Variants in DLG2 observed in about 807,000 individuals in gnomAD.
The protein encoded by DLG2 is discs large MAGUK scaffold protein 2.
In DLG2, 45 loss-of-function variants were observed where a neutral mutation model predicts 132.5. That is an observed-to-expected ratio of 0.34 (90% CI 0.27 to 0.44). The LOEUF is 0.44. Ranked by LOEUF, DLG2 falls within the 20% of genes least tolerant of loss-of-function variation. DLG2 has a pLI of 1.00. For missense variants in DLG2, 1,045 were observed against 1,196.9 expected, an observed-to-expected ratio of 0.87 and a Z score of 1.87; for synonymous variants, 424 against 419.6, an observed-to-expected ratio of 1.01 and a Z score of -0.13.
intron 6 of DLG2, among the ~76,000 whole-genome samples, chr11:85,085,276 C>G (rs914167501): frequency 5.3e-5 from 8 of 152,122 alleles, no homozygotes; most frequent in African/African-American, 1.9e-4. Flanking sequence ...TCATCCTATA[C>G]AAGCCTTTTT....
intron 6 of DLG2, among the ~76,000 whole-genome samples, chr11:84,548,604 C>T (rs1425331600): frequency 6.6e-6 from 1 of 152,184 alleles, no homozygotes; most frequent in Non-Finnish European, 1.5e-5. Context: ...CTACAAAGGA[C>T]ATGAACTCAA....
At chr11:85,423,742 C>T (rs1046720376) in intron 3 of DLG2, among the ~76,000 whole-genome samples, 1 of 152,142 alleles carries the variant, frequency 6.6e-6, no homozygotes, top group Non-Finnish European at 1.5e-5. Flanking sequence ...TCATCCAGCT[C>T]CCATGTAATC....
chr11:83,900,719 T>A (rs1857990712), intron 15 of DLG2, among the ~76,000 whole-genome samples: 1 of 152,170 alleles, frequency 6.6e-6, no homozygotes, highest in Non-Finnish European at 1.5e-5. Context: ...GGTGGGGGCC[T>A]CATGGAGAAC....
intron 3 of DLG2, among the ~76,000 whole-genome samples, chr11:85,297,036 T>A (rs2079275242): frequency 6.6e-6 from 1 of 151,634 alleles, no homozygotes; most frequent in South Asian, 2.1e-4. Context: ...TTAAATTTTA[T>A]GATCTACTGT....
intron 6 of DLG2, among the ~76,000 whole-genome samples, chr11:84,836,490 G>T (rs1226503306): frequency 6.6e-6 from 1 of 151,716 alleles, no homozygotes; most frequent in Non-Finnish European, 1.5e-5. Context: ...GATTTAAAAT[G>T]TCCCATGGAC....
chr11:85,021,132 T>C lies in DLG2; in HGVS notation c.357+90529A>G, dbSNP rs145127529. On this transcript the variant is annotated intron_variant, in intron 6 of 27. Transcript: ENST00000376104. ...CTGAAGAGTCATCTGCTTTCAACTTTCCAGACTTAGAAGATCCCCGCTGCC... is the reference window on the plus strand; with the variant it reads ...CTGAAGAGTCATCTGCTTTCAACTTCCCAGACTTAGAAGATCCCCGCTGCC... 3.4e-4 allele frequency: 277 copies of C among 811,012 alleles called. 3 individuals carry two copies. In the African/African-American group the frequency reaches 4.2e-3, roughly 12 times the overall value. 50.2% of individuals were successfully genotyped at this position (811,012 alleles called of 1,614,324 possible).
intron 6 of DLG2, among the ~76,000 whole-genome samples, chr11:84,985,021 C>A (rs2056294583): frequency 1.3e-5 from 2 of 152,120 alleles, no homozygotes; most frequent in African/African-American, 4.8e-5. Context: ...AGATAGACAG[C>A]AACACAACAA....
intron 11 of DLG2, among the ~76,000 whole-genome samples, chr11:84,020,870 G>C (rs1048965733): frequency 1.3e-5 from 2 of 152,138 alleles, no homozygotes; most frequent in Admixed American, 6.5e-5. Flanking sequence ...GCCTTAAAGT[G>C]CTAGAGCCAA....
At chr11:85,493,721 T>G (rs1389742602) in intron 3 of DLG2, among the ~76,000 whole-genome samples, 41 of 84,930 alleles carry the variant, frequency 4.8e-4, no homozygotes, top group Middle Eastern at 0.012. Flanking sequence ...GAGGGGAGGG[T>G]AGGAGAGAAG....
At chr11:83,517,580 G>A (rs1382808027) in intron 21 of DLG2, among the ~76,000 whole-genome samples, 1 of 152,212 alleles carries the variant, frequency 6.6e-6, no homozygotes, top group Non-Finnish European at 1.5e-5. Flanking sequence ...GCGTTCCTTT[G>A]GAGGAGGAGA....
intron 16 of DLG2, among the ~76,000 whole-genome samples, chr11:83,874,009 T>C (rs1295233964): frequency 6.6e-6 from 1 of 152,102 alleles, no homozygotes; most frequent in African/African-American, 2.4e-5. Context: ...GAAATCTTGT[T>C]TGACTTATTA....
intron 3 of DLG2, among the ~76,000 whole-genome samples, chr11:85,419,334 T>G (rs367696964): frequency 1.3e-5 from 2 of 152,158 alleles, no homozygotes; most frequent in African/African-American, 2.4e-5. Flanking sequence ...AACCCAACCT[T>G]TCTCTCTGGC....
At chr11:84,600,320 T>C (rs188982535) in intron 6 of DLG2, among the ~76,000 whole-genome samples, 1 of 151,858 alleles carries the variant, frequency 6.6e-6, no homozygotes, top group Admixed American at 6.6e-5. Context: ...AATAGGGCAT[T>C]TCTGAGTCCC....
intron 6 of DLG2, among the ~76,000 whole-genome samples, chr11:84,705,747 G>A (rs2059714667): frequency 6.6e-6 from 1 of 151,708 alleles, no homozygotes; most frequent in Non-Finnish European, 1.5e-5. Context: ...ATGAAGTGGA[G>A]TTCAGTAGAA....
At chr11:84,967,176 A>G (rs117519600) in intron 6 of DLG2, among the ~76,000 whole-genome samples, 2,987 of 152,290 alleles carry the variant, frequency 0.02, 53 homozygotes, top group Admixed American at 0.042. Flanking sequence ...TTCTTACTGT[A>G]GTATAGAAAT....
At chr11:85,546,814 C>A (rs537410193) in intron 3 of DLG2, among the ~76,000 whole-genome samples, 30 of 145,520 alleles carry the variant, frequency 2.1e-4, no homozygotes, top group African/African-American at 7.4e-4. Flanking sequence ...GGATATAACC[C>A]CTGCTTTTTT....
chr11:84,817,406 C>T (rs1598796628), intron 6 of DLG2, among the ~76,000 whole-genome samples: 1 of 151,912 alleles, frequency 6.6e-6, no homozygotes, highest in African/African-American at 2.4e-5. Context: ...AGTAAGGACT[C>T]ATATTATGTT....
intron 6 of DLG2, among the ~76,000 whole-genome samples, chr11:84,941,458 C>A (rs2154097603): frequency 6.6e-6 from 1 of 152,062 alleles, no homozygotes; most frequent in Non-Finnish European, 1.5e-5. Flanking sequence ...TTTATCAAAT[C>A]TTTTTTCAGC....
intron 7 of DLG2, among the ~76,000 whole-genome samples, chr11:84,521,187 A>C (rs1477194276): frequency 6.6e-6 from 1 of 152,226 alleles, no homozygotes; most frequent in Non-Finnish European, 1.5e-5. Flanking sequence ...AGGTTGGTCT[A>C]GCGTCAACAA....
Sources: gnomAD v4.1 joint callset for allele counts (sites outside exome capture counted in the v4.1 genomes callset) on GRCh38, gnomAD v4.1.1 for gene constraint, MANE v1.5 for transcripts, NCBI Gene and HGNC (gene_info 2026-07-23, HGNC 2026-07-21) for gene names.